The following PTCHD4 variants were observed in gnomAD, a reference collection of about 807,000 sequenced individuals.
PTCHD4 encodes patched domain containing 4.
PTCHD4 carries 33 observed loss-of-function variants against 58.1 expected under a neutral mutation model. That is an observed-to-expected ratio of 0.57 (90% CI 0.43 to 0.76). The LOEUF (loss-of-function observed/expected upper bound fraction) is 0.76. PTCHD4 is among the 30% of genes least tolerant of loss of function. The pLI is 0.00. For missense variants in PTCHD4, 1,058 were observed against 1,027.1 expected (o/e 1.03, Z -0.41); for synonymous variants, 478 against 409.6 (o/e 1.17, Z -2.02).
chr6:47,964,086 A>G (rs116186186), intron 4 of PTCHD4, among the ~76,000 whole-genome samples: 1,847 of 152,294 alleles, frequency 0.012, 35 homozygotes, highest in African/African-American at 0.04. Context: ...ACTTATAAGC[A>G]TTATCAAAAA....
intron 3 of PTCHD4, among the ~76,000 whole-genome samples, chr6:48,041,979 T>C (rs1034716442): frequency 6.6e-6 from 1 of 152,040 alleles, no homozygotes; most frequent in Non-Finnish European, 1.5e-5. Context: ...GTTTAAGACA[T>C]GCACAGAAGC....
Position 47,859,707 on chromosome 6 carries a change from A to T in PTCHD4, c.*18596T>A, listed in dbSNP as rs987560264. Among the ~76,000 whole-genome samples the T allele has an allele frequency of 4.6e-5, 7 of 152,058 alleles. No individual in the cohort carries two copies. The highest frequency in any genetic ancestry group is 1.7e-4 in the African/African-American group (7 of 41,424). ...AGACAGACAATAAACAAATCCCATG[A>T]CAAATATGAAAGAAGGGAGGAGATT... On this transcript the variant is annotated 3_prime_UTR_variant, in exon 5 of 5. Transcript: ENST00000339488.
At chr6:47,911,557 A>G (rs979283366) in intron 4 of PTCHD4, among the ~76,000 whole-genome samples, 1 of 152,140 alleles carries the variant, frequency 6.6e-6, no homozygotes, top group African/African-American at 2.4e-5. Context: ...GGAAAGGAGT[A>G]AAGGATGATG....
intron 4 of PTCHD4, among the ~76,000 whole-genome samples, chr6:47,954,918 GACCAGCC>G (rs1203152648): frequency 6.6e-6 from 1 of 152,122 alleles, no homozygotes; most frequent in African/African-American, 2.4e-5. Flanking sequence ...CTTGCTCTCG[GACCAGCC>G]ACCATGTTGT....
At chr6:48,030,294 T>A (rs1013949518) in intron 3 of PTCHD4, among the ~76,000 whole-genome samples, 2 of 152,146 alleles carry the variant, frequency 1.3e-5, no homozygotes, top group Admixed American at 1.3e-4. Context: ...AGAAAAATTA[T>A]GTTTCCATGG....
intron 4 of PTCHD4, among the ~76,000 whole-genome samples, chr6:47,920,436 T>C (rs868275427): frequency 6.6e-6 from 1 of 152,180 alleles, no homozygotes; most frequent in African/African-American, 2.4e-5. Context: ...GAATTAAGCA[T>C]TGTATTCTGA....
At chr6:47,904,912 A>G (rs1025004688) in intron 4 of PTCHD4, among the ~76,000 whole-genome samples, 1 of 152,282 alleles carries the variant, frequency 6.6e-6, no homozygotes, top group East Asian at 1.9e-4. Flanking sequence ...GATGAGGCCA[A>G]TGGAAATGCC....
intron 1 of PTCHD4, among the ~76,000 whole-genome samples, chr6:48,100,590 A>G (rs950660391): frequency 2.6e-5 from 4 of 152,204 alleles, no homozygotes; most frequent in Admixed American, 1.3e-4. Context: ...GCCTAAAGCC[A>G]TCACTATTCA....
In PTCHD4 at chr6:47,879,285, C is replaced by G; in HGVS notation, c.1550G>C (p.Gly517Ala). ...KYFSNYSPVI[G>A]FYVYEPLEYW... ...CTCTAGGGGCTCATAGACGTAGAAT[C>G]CTATCACAGGGCTATAGTTGCTGAA... Residue 517 changes from glycine to alanine, a missense_variant, in exon 5 of 5, where the codon GGA becomes GCA. Gly to Ala is a moderately conservative substitution (Grantham distance 60, BLOSUM62 0). Coordinates refer to ENST00000339488, the MANE Select transcript of PTCHD4 (RefSeq NM_001384253.1). The G allele has an allele frequency of 6.2e-7, 1 of 1,612,690 alleles. No homozygotes were observed. The highest frequency in any genetic ancestry group is 8.5e-7 in the Non-Finnish European group (1 of 1,179,336).
intron 4 of PTCHD4, among the ~76,000 whole-genome samples, chr6:47,938,296 G>A (rs1766085935): frequency 6.6e-6 from 1 of 152,216 alleles, no homozygotes; most frequent in Non-Finnish European, 1.5e-5. Context: ...GACATGAATT[G>A]TCTAGTGGAA....
chr6:48,080,986 C>A (rs940601770), intron 1 of PTCHD4, among the ~76,000 whole-genome samples: 1 of 152,106 alleles, frequency 6.6e-6, no homozygotes, highest in Non-Finnish European at 1.5e-5. Flanking sequence ...TTCATTATGG[C>A]TGAAGTGTAA....
intron 1 of PTCHD4, among the ~76,000 whole-genome samples, chr6:48,093,226 T>G (rs918547249): frequency 6.6e-6 from 1 of 152,168 alleles, no homozygotes; most frequent in Admixed American, 6.5e-5. Context: ...TAAAAGGAAC[T>G]TCAGAGATCA....
intron 3 of PTCHD4, among the ~76,000 whole-genome samples, chr6:48,013,604 C>T (rs530395787): frequency 5.7e-4 from 86 of 151,898 alleles, no homozygotes; most frequent in Non-Finnish European, 9.0e-4. Context: ...AATTTCTGCT[C>T]TTTAAGTTGA....
Position 47,860,419 on chromosome 6 carries a change from T to G in PTCHD4, c.*17884A>C, listed in dbSNP as rs1441333714. ...AATATAGCCATGAAAACAAAAACAT[T>G]AAGGTAGAACTCAGTGGATAAGACA... is the stretch of plus-strand genomic sequence containing the variant. On this transcript the variant is annotated 3_prime_UTR_variant, in exon 5 of 5. Coordinates refer to ENST00000339488, the MANE Select transcript of PTCHD4 (RefSeq NM_001384253.1). 6.6e-6 allele frequency among the ~76,000 whole-genome samples: 1 copy of G among 151,988 alleles called. No individual in the cohort carries two copies. Among genetic ancestry groups the G allele is most frequent in the African/African-American group, 2.4e-5 (1 of 41,410 alleles).
At chr6:47,948,197 T>C (rs374634177) in intron 4 of PTCHD4, among the ~76,000 whole-genome samples, 20 of 152,306 alleles carry the variant, frequency 1.3e-4, no homozygotes, top group African/African-American at 3.6e-4. Flanking sequence ...GGGGCCTCCA[T>C]TTAGTGCTGG....
At chr6:47,904,132 T>C (rs1007184110) in intron 4 of PTCHD4, among the ~76,000 whole-genome samples, 2 of 152,130 alleles carry the variant, frequency 1.3e-5, no homozygotes, top group African/African-American at 4.8e-5. Flanking sequence ...AGATGGAGCC[T>C]TGCAAATCAC....
chr6:48,033,099 T>C (rs943211135), intron 3 of PTCHD4, among the ~76,000 whole-genome samples: 1 of 152,086 alleles, frequency 6.6e-6, no homozygotes, highest in African/African-American at 2.4e-5. Context: ...AGAAACCAAT[T>C]GGTCTAATTT....
In PTCHD4 at chr6:48,085,935, A is replaced by G. The variant is rs766019049; in HGVS notation, c.-969-16009T>C. Among the ~76,000 whole-genome samples, 5 of 152,238 alleles carry G rather than the reference A, an allele frequency of 3.3e-5. 1 individual carries two copies. Among genetic ancestry groups the G allele is most frequent in the African/African-American group, 4.8e-5 (2 of 41,536 alleles). On this transcript the variant is annotated intron_variant, in intron 1 of 4. Transcript: ENST00000339488. ...AACAAACTTTTTTTCATCTAATTTG[A>G]CAATGAAAGAATCCACACTCCATTG...
chr6:48,051,316 T>A (rs1764225025), intron 3 of PTCHD4, among the ~76,000 whole-genome samples: 1 of 152,032 alleles, frequency 6.6e-6, no homozygotes, highest in African/African-American at 2.4e-5. Context: ...TTGTTCTTAG[T>A]CCTTATTAAA....
Sources: allele counts gnomAD v4.1 joint callset (sites outside exome capture counted in the v4.1 genomes callset), GRCh38; gene constraint gnomAD v4.1.1; transcripts MANE v1.5; gene names NCBI Gene and HGNC (gene_info 2026-07-23, HGNC 2026-07-21).